The following HERC1 variants were observed in gnomAD, a reference collection of about 807,000 sequenced individuals.
The protein encoded by HERC1 is probable E3 ubiquitin-protein ligase HERC1.
A neutral mutation model predicts 554.3 loss-of-function variants in HERC1; 160 were observed. The ratio of observed to expected loss-of-function variants is 0.29; its 90% CI spans 0.25 to 0.33. HERC1 has a LOEUF of 0.33. Among genes scored for constraint, HERC1 ranks in the 10% least tolerant of loss-of-function variants. The probability of loss-of-function intolerance (pLI) is 1.00; values close to 1 mark genes in which losing one functional copy is unlikely to be tolerated. For missense variants in HERC1, 4,919 were observed against 5,918.5 expected (o/e 0.83, Z 5.54); for synonymous variants, 2,175 against 2,131.7 (o/e 1.02, Z -0.56).
At chr15:63,654,721 C>A (rs1346359284) in intron 50 of HERC1, among the ~76,000 whole-genome samples, 1 of 150,834 alleles carries the variant, frequency 6.6e-6, no homozygotes, top group Non-Finnish European at 1.5e-5. Context: ...AAATTAGCCA[C>A]ACCATGGTAT....
chr15:63,820,719 T>G (rs905651426), intron 1 of HERC1, among the ~76,000 whole-genome samples: 1 of 152,178 alleles, frequency 6.6e-6, no homozygotes, highest in African/African-American at 2.4e-5. Flanking sequence ...GGTCTTGCTA[T>G]GCTGCCTAGG....
At chr15:63,738,935 C>T (rs183717953) in intron 12 of HERC1, among the ~76,000 whole-genome samples, 236 of 152,094 alleles carry the variant, frequency 1.6e-3, no homozygotes, top group African/African-American at 5.6e-3. Context: ...GATATTCCTC[C>T]AACCCCATTT....
Position 63,833,850 on chromosome 15 carries a change from G to C in HERC1, c.-50C>G, listed in dbSNP as rs1049009935. ...ACGTGGCTCTGGAGCTGGCGGGGTGGGGCGCGGCTCCGGCGACCCGAGCCC... is the reference window on the plus strand; with the variant it reads ...ACGTGGCTCTGGAGCTGGCGGGGTGCGGCGCGGCTCCGGCGACCCGAGCCC... On this transcript the variant is annotated 5_prime_UTR_variant, in exon 1 of 78. Coordinates refer to ENST00000443617, the MANE Select transcript of HERC1 (RefSeq NM_003922.4). 13 of 153,126 alleles carry C rather than the reference G, an allele frequency of 8.5e-5. No individual in the cohort carries two copies. Among genetic ancestry groups the C allele is most frequent in the Admixed American group, 7.8e-4 (12 of 15,294 alleles). The allele number at this position is 153,126 out of a possible 1,614,324, so 9.5% of individuals were successfully genotyped here. A position where few individuals can be genotyped will look rare whatever the true frequency, so the allele number is the denominator to read the frequency against.
intron 2 of HERC1, among the ~76,000 whole-genome samples, chr15:63,770,655 A>G (rs761976318): frequency 6.6e-6 from 1 of 152,236 alleles, no homozygotes; most frequent in Non-Finnish European, 1.5e-5. Flanking sequence ...GCAGAGATTA[A>G]GAATCACACA....
intron 25 of HERC1, among the ~76,000 whole-genome samples, chr15:63,705,188 T>C (rs541139360): frequency 5.3e-5 from 8 of 150,442 alleles, no homozygotes; most frequent in African/African-American, 1.7e-4. Context: ...GGTCTCACTG[T>C]TGTCACACAG....
Position 63,689,689 on chromosome 15 carries a change from C to T in HERC1, c.5948G>A (p.Arg1983His), listed in dbSNP as rs372604267. The T allele has an allele frequency of 1.2e-5, 18 of 1,563,970 alleles. No individual in the cohort carries two copies. The highest frequency in any genetic ancestry group is 1.6e-5 in the Non-Finnish European group (18 of 1,150,822). ...ACAATCAGAGAGAAGGGAAAATAAGCGCTCAACAATCTGTTTTATTGAAGA... is the reference window on the plus strand; with the variant it reads ...ACAATCAGAGAGAAGGGAAAATAAGTGCTCAACAATCTGTTTTATTGAAGA... Reference protein sequence around the residue: ...EDDQMAQIVERLFSLLSDCMW... With the variant: ...EDDQMAQIVEHLFSLLSDCMW... The change falls in exon 33 of 78, where the codon CGC becomes CAC. Residue 1983 changes from arginine (R) to histidine (H), a missense_variant. Physicochemically the swap from Arg to His is conservative, Grantham distance 29. Transcript: ENST00000443617.
chr15:63,641,481 C>T lies in HERC1; in HGVS notation c.11596G>A (p.Ala3866Thr), dbSNP rs1213459982. The T allele has an allele frequency of 1.9e-6, 3 of 1,611,624 alleles. No homozygotes were observed. Among genetic ancestry groups the T allele is most frequent in the South Asian group, 2.2e-5 (2 of 90,814 alleles). ...GTGTAATGAGTTACCTTTTCATAGG[C>T]ATACTGCTCCTGAAGCATCATGGGG... is the stretch of plus-strand genomic sequence containing the variant. ...RLPMMLQEQY[A>T]YEKPHVVCGD... is the part of the protein sequence containing the mutation. Residue 3866 changes from alanine (A) to threonine (T), a missense_variant, in exon 60 of 78, where the codon GCC (alanine) becomes ACC (threonine). Coordinates refer to ENST00000443617, the MANE Select transcript of HERC1 (RefSeq NM_003922.4).
chr15:63,651,924 T>C (rs56221233), intron 52 of HERC1, among the ~76,000 whole-genome samples: 1,877 of 152,184 alleles, frequency 0.012, 35 homozygotes, highest in African/African-American at 0.043. Context: ...TAGTCCCAGC[T>C]TCTTGGGAAG....
rs886526214 is a variant in HERC1 at position 63,718,012 on chromosome 15, G to A, written c.3978+562C>T. On this transcript the variant is annotated intron_variant, in intron 21 of 77. Transcript: ENST00000443617. The surrounding 1 kb of genome is among the most constrained non-coding windows in gnomAD (Gnocchi z 4.2). ...CCCTTTCGTCCTAGTTGTGTCCTCC[G>A]GAACAAGGAAAACATTTATTTCCTC... Among the ~76,000 whole-genome samples the A allele has an allele frequency of 9.3e-5, 14 of 151,188 alleles. No individual in the cohort carries two copies. The East Asian group carries it at 1.4e-3, about 15-fold the overall frequency.
In HERC1 at chr15:63,723,449, T is replaced by TAA. The variant is rs1164983922; in HGVS notation, c.3569-96_3569-95dup. The TAA allele has an allele frequency of 3.3e-6, 3 of 910,010 alleles. No individual in the cohort carries two copies. The African/African-American group carries it at 5.0e-5, about 15-fold the overall frequency. The allele number at this position is 910,010 out of a possible 1,614,324, so 56.4% of individuals were successfully genotyped here. A position where few individuals can be genotyped will look rare whatever the true frequency, so the allele number is the denominator to read the frequency against. On this transcript the variant is annotated intron_variant, in intron 18 of 77. Transcript: ENST00000443617. ...CATTTATTTAATGATTATGAAATGA[T>TAA]AAACTTCAAACCATTTTAAGTAGAT...
intron 44 of HERC1, 108 bp from the exon 45 acceptor site, chr15:63,662,129 T>C: frequency 2.6e-6 from 3 of 1,134,084 alleles, no homozygotes; most frequent in Non-Finnish European, 3.7e-6. Flanking sequence ...GCTAGAATAT[T>C]TCCAACATGT....
Position 63,612,548 on chromosome 15 carries a change from T to C in HERC1, c.14103A>G (p.Ala4701=). 1 of 1,612,754 alleles carries C rather than the reference T, an allele frequency of 6.2e-7. No individual in the cohort carries two copies. The highest frequency in any genetic ancestry group is 8.5e-7 in the Non-Finnish European group (1 of 1,178,996). ...RLHEMDRQVA[A]VREGMSWIVP... The stretch of plus-strand genomic sequence containing the variant: ...CAATCCAGGACATCCCTTCTCGGAC[T>C]GCAGCCACCTGCTCCCGGGAGAGGT... Residue 4701 remains alanine (A), a synonymous_variant, in exon 77 of 78, where the codon GCA becomes GCG. Transcript: ENST00000443617. The surrounding 1 kb of genome is among the most constrained non-coding windows in gnomAD (Gnocchi z 5.0).
At chr15:63,716,637 G>T (rs1281010080) in intron 21 of HERC1, among the ~76,000 whole-genome samples, 164 bp from the exon 22 acceptor site, 2 of 151,900 alleles carry the variant, frequency 1.3e-5, no homozygotes. Flanking sequence ...AAATCTTATA[G>T]AAATAATGTA....
intron 24 of HERC1, among the ~76,000 whole-genome samples, chr15:63,707,474 G>C (rs919889144): frequency 8.5e-5 from 13 of 152,280 alleles, no homozygotes; most frequent in Middle Eastern, 3.4e-3. Flanking sequence ...GTATCTGGTG[G>C]GGGGATGTAG....
intron 1 of HERC1, among the ~76,000 whole-genome samples, chr15:63,786,946 C>T (rs1230797756): frequency 5.3e-5 from 7 of 131,526 alleles, no homozygotes; most frequent in East Asian, 2.0e-4. Flanking sequence ...TTTTTTGAGA[C>T]GGAGTTTCAC....
chr15:63,796,337 C>A (rs981360414), intron 1 of HERC1, among the ~76,000 whole-genome samples: 2 of 152,148 alleles, frequency 1.3e-5, no homozygotes, highest in South Asian at 2.1e-4. Context: ...AAGGGTACTA[C>A]TGAAATGTGA....
rs531516822 is a variant in HERC1 at position 63,628,009 on chromosome 15, G to T, written c.13105+668C>A. On this transcript the variant is annotated intron_variant, in intron 70 of 77. Transcript: ENST00000443617. ...CATGTTTCAAATGGTTAACTAAGGTGAGGAATTTGACAAATGGTCTCAGGG... is the reference window on the plus strand; with the variant it reads ...CATGTTTCAAATGGTTAACTAAGGTTAGGAATTTGACAAATGGTCTCAGGG... Among the ~76,000 whole-genome samples the T allele has an allele frequency of 5.9e-5, 9 of 152,374 alleles. No individual in the cohort carries two copies. The South Asian group carries it at 1.9e-3, about 32-fold the overall frequency.
intron 71 of HERC1, among the ~76,000 whole-genome samples, chr15:63,625,726 T>C (rs1319104616): frequency 6.7e-6 from 1 of 150,204 alleles, no homozygotes; most frequent in Non-Finnish European, 1.5e-5. Flanking sequence ...AAATGGTATG[T>C]GTAGTATGCG....
intron 1 of HERC1, among the ~76,000 whole-genome samples, chr15:63,808,420 T>C (rs2077197524): frequency 6.6e-6 from 1 of 152,172 alleles, no homozygotes; most frequent in Admixed American, 6.5e-5. Flanking sequence ...CCTGAGTAGC[T>C]AGGACTACAA....
Sources: allele counts gnomAD v4.1 joint callset (sites outside exome capture counted in the v4.1 genomes callset), GRCh38; gene constraint gnomAD v4.1.1; non-coding constraint Gnocchi (gnomAD v3.1); transcripts MANE v1.5; gene names NCBI Gene and HGNC (gene_info 2026-07-23, HGNC 2026-07-21).